The following TNNI3K variants were observed in gnomAD, a reference collection of about 807,000 sequenced individuals.
TNNI3K encodes serine/threonine-protein kinase TNNI3K.
Under a neutral mutation model 114.5 loss-of-function variants are expected in TNNI3K, and 140 were observed. The observed-to-expected ratio is 1.22, with a 90% CI of 1.07 to 1.41. The LOEUF (loss-of-function observed/expected upper bound fraction) is 1.41. Ranked by LOEUF, TNNI3K falls within the 40% of genes most tolerant of loss-of-function variation. The probability of loss-of-function intolerance (pLI) is 0.00; values close to 1 mark genes in which losing one functional copy is unlikely to be tolerated. For missense variants in TNNI3K, 1,125 were observed against 1,007.6 expected (o/e 1.12, Z -1.58); for synonymous variants, 347 against 347.5 (o/e 1.00, Z 0.02).
Position 74,282,012 on chromosome 1 carries a change from G to A in TNNI3K, c.444+10304G>A, listed in dbSNP as rs184977476. ...CTGGAATGAAACACAATTGGTCATG[G>A]TACATTATTCCCTTAGCTTGCTGCT... On this transcript the variant is annotated intron_variant, in intron 5 of 24. Coordinates refer to ENST00000326637, the MANE Select transcript of TNNI3K (RefSeq NM_015978.3). Among the ~76,000 whole-genome samples, 4 of 152,166 alleles carry A rather than the reference G, an allele frequency of 2.6e-5. No homozygotes were observed. In the East Asian group the frequency reaches 7.8e-4, roughly 30 times the overall value.
intron 2 of TNNI3K, among the ~76,000 whole-genome samples, chr1:74,239,634 A>C (rs1654064118): frequency 2.0e-5 from 3 of 152,126 alleles, no homozygotes; most frequent in African/African-American, 7.2e-5. Flanking sequence ...ACAGTTTTTC[A>C]TTTGCTAACC....
intron 11 of TNNI3K, among the ~76,000 whole-genome samples, chr1:74,360,346 G>A (rs1661894837): frequency 6.6e-6 from 1 of 151,928 alleles, no homozygotes; most frequent in African/African-American, 2.4e-5. Flanking sequence ...TTATTGTCTT[G>A]TGTACTTCTT....
At chr1:74,519,360 T>G (rs1378360550) in intron 23 of TNNI3K, among the ~76,000 whole-genome samples, 4 of 115,548 alleles carry the variant, frequency 3.5e-5, no homozygotes, top group Admixed American at 1.8e-4. Flanking sequence ...CATGTGTCTT[T>G]ATAGCAGCAT....
intron 17 of TNNI3K, among the ~76,000 whole-genome samples, chr1:74,435,149 C>T (rs1001300875): frequency 2.0e-5 from 3 of 151,988 alleles, no homozygotes; most frequent in Non-Finnish European, 4.4e-5. Context: ...AAGAAGCATT[C>T]AAAGACAATC....
intron 20 of TNNI3K, among the ~76,000 whole-genome samples, chr1:74,451,690 T>TTC (rs1553148016): frequency 1.6e-3 from 64 of 39,136 alleles, no homozygotes; most frequent in South Asian, 8.6e-3. Context: ...TTCTTTTCTT[T>TTC]CTTTCTTTCT....
chr1:74,505,733 G>A (rs1266418365), intron 23 of TNNI3K, among the ~76,000 whole-genome samples: 1 of 152,124 alleles, frequency 6.6e-6, no homozygotes, highest in African/African-American at 2.4e-5. Flanking sequence ...ATGAGATGGA[G>A]TTTTTCTTGA....
chr1:74,482,162 C>G (rs1668538104), intron 21 of TNNI3K, among the ~76,000 whole-genome samples: 1 of 152,090 alleles, frequency 6.6e-6, no homozygotes, highest in Non-Finnish European at 1.5e-5. Flanking sequence ...TCATGGGTCC[C>G]CAGTCCTTTA....
At chr1:74,389,570 CCTTAT>C (rs1663659961) in intron 17 of TNNI3K, among the ~76,000 whole-genome samples, 1 of 152,120 alleles carries the variant, frequency 6.6e-6, no homozygotes, top group African/African-American at 2.4e-5. Context: ...TTGTTTTCTT[CCTTAT>C]CTTAACACTT....
intron 21 of TNNI3K, chr1:74,464,864 A>T: frequency 7.3e-7 from 1 of 1,377,154 alleles, no homozygotes. Context: ...CACTGCTATA[A>T]CACTAACATC....
chr1:74,382,797 A>G (rs1663267798), intron 17 of TNNI3K, among the ~76,000 whole-genome samples: 1 of 152,188 alleles, frequency 6.6e-6, no homozygotes, highest in Admixed American at 6.6e-5. Context: ...TAGATGAAAT[A>G]GTGTTAGAGC....
chr1:74,487,772 G>C (rs924032293), intron 21 of TNNI3K, among the ~76,000 whole-genome samples: 3 of 152,134 alleles, frequency 2.0e-5, no homozygotes, highest in Non-Finnish European at 4.4e-5. Flanking sequence ...GTAATAAAAA[G>C]CTCTTGTTTT....
chr1:74,457,742 G>A (rs559451210), intron 20 of TNNI3K, among the ~76,000 whole-genome samples: 4 of 152,200 alleles, frequency 2.6e-5, no homozygotes, highest in Admixed American at 6.5e-5. Context: ...GACAGTGAAA[G>A]GTTACTTTAG....
intron 20 of TNNI3K, among the ~76,000 whole-genome samples, chr1:74,446,781 C>T (rs973307608): frequency 2.0e-4 from 29 of 146,406 alleles, no homozygotes; most frequent in Non-Finnish European, 3.3e-4. Flanking sequence ...TTCCCAGCAC[C>T]ATTTATTAAA....
chr1:74,425,367 GTAACAC>G (rs984319022), intron 17 of TNNI3K, among the ~76,000 whole-genome samples: 6 of 152,038 alleles, frequency 3.9e-5, no homozygotes, highest in Non-Finnish European at 5.9e-5. Context: ...TTTTCCTGGA[GTAACAC>G]TAAAAGGGAA....
chr1:74,374,319 A>G (rs1168906818), intron 17 of TNNI3K: 1 of 151,952 alleles, frequency 6.6e-6, no homozygotes, highest in Non-Finnish European at 1.5e-5. Context: ...ATTTATCACC[A>G]TATGAAAGGA....
chr1:74,351,698 A>T (rs1015253755), intron 9 of TNNI3K, among the ~76,000 whole-genome samples: 9 of 151,516 alleles, frequency 5.9e-5, no homozygotes, highest in Non-Finnish European at 1.0e-4. Flanking sequence ...ACTTCTCTTC[A>T]CACTTCATTT....
intron 11 of TNNI3K, among the ~76,000 whole-genome samples, chr1:74,362,130 G>A (rs186122202): frequency 6.6e-6 from 1 of 152,246 alleles, no homozygotes; most frequent in African/African-American, 2.4e-5. Flanking sequence ...GACCAGGGTG[G>A]TCAGGAGGAA....
intron 7 of TNNI3K, among the ~76,000 whole-genome samples, chr1:74,339,163 A>G (rs1209369962): frequency 2.0e-5 from 3 of 152,160 alleles, no homozygotes; most frequent in Admixed American, 1.3e-4. Context: ...TGAAATGTGT[A>G]ATACTACAAC....
chr1:74,324,222 C>T (rs923901924), intron 5 of TNNI3K, among the ~76,000 whole-genome samples: 1 of 152,196 alleles, frequency 6.6e-6, no homozygotes, highest in South Asian at 2.1e-4. Flanking sequence ...ATTTACAGAC[C>T]TCCTTGTGGC....
Sources: gnomAD v4.1 joint callset for allele counts (sites outside exome capture counted in the v4.1 genomes callset) on GRCh38, gnomAD v4.1.1 for gene constraint, MANE v1.5 for transcripts, NCBI Gene and HGNC (gene_info 2026-07-23, HGNC 2026-07-21) for gene names.